Variants in RPAP3 observed in about 807,000 individuals in gnomAD.
RPAP3 encodes the protein RNA polymerase II associated protein 3, also known as RNA polymerase II-associated protein 3.
In RPAP3, 58 loss-of-function variants were observed where a neutral mutation model predicts 88.8. That is an observed-to-expected ratio of 0.65 (90% CI 0.53 to 0.81). The LOEUF (loss-of-function observed/expected upper bound fraction) is 0.81. Ranked by LOEUF, RPAP3 falls within the 40% of genes least tolerant of loss-of-function variation. The probability of loss-of-function intolerance (pLI) is 0.00; values close to 1 mark genes in which losing one functional copy is unlikely to be tolerated. For synonymous variants in RPAP3, 255 were observed against 259.9 expected, an observed-to-expected ratio of 0.98 and a Z score of 0.18; for missense variants, 751 against 764.3, an observed-to-expected ratio of 0.98 and a Z score of 0.20.
chr12:47,699,439 C>T (rs1328491081), intron 3 of RPAP3: 1 of 152,170 alleles, frequency 6.6e-6, no homozygotes, highest in Non-Finnish European at 1.5e-5. Flanking sequence ...GTAGTTCCAA[C>T]AGTGATAAAT....
At chr12:47,703,904 GGGAC>G (rs1166786139) in intron 1 of RPAP3, among the ~76,000 whole-genome samples, 4 of 152,166 alleles carry the variant, frequency 2.6e-5, no homozygotes, top group Non-Finnish European at 5.9e-5. Context: ...TTTCTGGCTT[GGGAC>G]CCCGGTAAGA....
chr12:47,671,649 G>A (rs1400721617), intron 12 of RPAP3, among the ~76,000 whole-genome samples: 3 of 152,182 alleles, frequency 2.0e-5, no homozygotes, highest in Non-Finnish European at 4.4e-5. Flanking sequence ...GCTTTGCTAA[G>A]AACTGTATCA....
intron 16 of RPAP3, among the ~76,000 whole-genome samples, chr12:47,666,351 T>C (rs960371888): frequency 6.6e-6 from 1 of 152,226 alleles, no homozygotes; most frequent in African/African-American, 2.4e-5. Flanking sequence ...AGCCATACCA[T>C]TTTAAATTCT....
At chr12:47,673,444 CAAAAAAAAAA>C (rs35080899) in intron 12 of RPAP3, among the ~76,000 whole-genome samples, 4 of 60,792 alleles carry the variant, frequency 6.6e-5, no homozygotes, top group East Asian at 5.0e-4. Flanking sequence ...AACTCCGTCT[CAAAAAAAAAA>C]AAAAAAAAAA....
intron 12 of RPAP3, among the ~76,000 whole-genome samples, chr12:47,676,077 C>G (rs1457698855): frequency 5.3e-5 from 8 of 152,184 alleles, no homozygotes; most frequent in Non-Finnish European, 1.2e-4. Context: ...AATTAGAACT[C>G]AGGATTAAGA....
At chr12:47,703,438 T>G (rs1939697664) in intron 1 of RPAP3, among the ~76,000 whole-genome samples, 1 of 152,210 alleles carries the variant, frequency 6.6e-6, no homozygotes, top group Non-Finnish European at 1.5e-5. Context: ...GTGCCAGGAT[T>G]ATCCCTTCCT....
rs1167224892 is a variant in RPAP3, at chr12:47,667,761, A to G, written c.1804T>C (p.Tyr602His). The change falls in exon 15 of 17, where the codon TAC becomes CAC. Residue 602 changes from tyrosine to histidine, a missense_variant. Transcript: ENST00000005386. ...NQIVKILHDF[Y>H]IEKEKPLLIF... is the part of the protein sequence containing the mutation. ...AAAAAAAACTTGACTTACTCAATGT[A>G]AAAGTCATGCAGAATTTTAACGATC... 1.0e-5 allele frequency: 16 copies of G among 1,594,578 alleles called. No homozygotes were observed. Among genetic ancestry groups the G allele is most frequent in the Admixed American group, 5.1e-5 (3 of 59,110 alleles).
At chr12:47,678,190 AG>A (rs1392158995) in intron 12 of RPAP3, among the ~76,000 whole-genome samples, 4 of 152,222 alleles carry the variant, frequency 2.6e-5, no homozygotes, top group Non-Finnish European at 5.9e-5. Flanking sequence ...AAAACTGGCT[AG>A]CCATATGTAG....
intron 10 of RPAP3, among the ~76,000 whole-genome samples, chr12:47,681,397 T>C (rs568270123): frequency 1.7e-4 from 26 of 152,310 alleles, no homozygotes; most frequent in African/African-American, 6.0e-4. Flanking sequence ...TTCCTTTCCA[T>C]TCTGGTCTTT....
At chr12:47,663,954 T>C (rs538058113) in intron 16 of RPAP3, among the ~76,000 whole-genome samples, 1 of 152,130 alleles carries the variant, frequency 6.6e-6, no homozygotes, top group African/African-American at 2.4e-5. Flanking sequence ...TAAACTGTTT[T>C]TCAAACCTAA....
intron 6 of RPAP3, among the ~76,000 whole-genome samples, chr12:47,690,056 G>A (rs1005498184): frequency 2.1e-3 from 250 of 119,182 alleles, no homozygotes; most frequent in Non-Finnish European, 2.4e-3. Context: ...AAAAAAAAAA[G>A]AAAAAAAAAA....
intron 12 of RPAP3, 93 bp downstream of exon 12, chr12:47,679,397 TAAA>T: frequency 1.7e-6 from 1 of 597,610 alleles, no homozygotes; most frequent in Non-Finnish European, 2.8e-6. Context: ...AAAGTATAAT[TAAA>T]AAAAAAAAGT....
chr12:47,670,043 TA>T, intron 13 of RPAP3, 63 bp downstream of exon 13: 1 of 1,040,702 alleles, frequency 9.6e-7, no homozygotes, highest in Non-Finnish European at 1.5e-6. Flanking sequence ...GTCTCAGTAA[TA>T]TCAATTCTCC....
chr12:47,689,208 G>A lies in RPAP3; in HGVS notation c.668-13C>T. 1 of 1,190,140 alleles carries A rather than the reference G, an allele frequency of 8.4e-7. No homozygotes were observed. The highest frequency in any genetic ancestry group is 1.2e-6 in the Non-Finnish European group (1 of 840,344). 73.7% of individuals were successfully genotyped at this position (1,190,140 alleles called of 1,614,324 possible). A position where few individuals can be genotyped will look rare whatever the true frequency, so the allele number is the denominator to read the frequency against. On this transcript the variant is annotated splice_polypyrimidine_tract_variant and intron_variant, in intron 6 of 16. Coordinates refer to ENST00000005386, the MANE Select transcript of RPAP3 (RefSeq NM_024604.3). ...ACTCTTTCATAATCTAAGTAAAAGA[G>A]AAGATAAAAAAAATTTTTAAAGATA...
chr12:47,669,197 T>C, intron 13 of RPAP3, 95 bp from the exon 14 acceptor site: 3 of 741,546 alleles, frequency 4.0e-6, no homozygotes, highest in Non-Finnish European at 6.7e-6. Context: ...TTTTTGACTA[T>C]TAATATTGTA....
intron 9 of RPAP3, among the ~76,000 whole-genome samples, chr12:47,686,412 G>T (rs976832813): frequency 6.6e-6 from 1 of 151,996 alleles, no homozygotes; most frequent in African/African-American, 2.4e-5. Context: ...TACATAAAGC[G>T]ACTAGAGAAA....
chr12:47,670,345 T>C lies in RPAP3; in HGVS notation c.1288A>G (p.Lys430Glu). ...IDNPPHPGST[K>E]PLKKVIIEET... is the part of the protein sequence containing the mutation. ...TCAATAATAACCTTCTTGAGTGGTT[T>C]CTAAAACAATTAAAATCAATTCCTT... Residue 430 changes from lysine (K) to glutamate (E), a missense_variant and splice_region_variant, in exon 13 of 17, where the codon AAA becomes GAA. Transcript: ENST00000005386. 1 of 1,524,530 alleles carries C rather than the reference T, an allele frequency of 6.6e-7. No homozygotes were observed. Among genetic ancestry groups the C allele is most frequent in the Non-Finnish European group, 9.0e-7 (1 of 1,108,914 alleles). The allele number at this position is 1,524,530 out of a possible 1,614,324, so 94.4% of individuals were successfully genotyped here.
intron 9 of RPAP3, among the ~76,000 whole-genome samples, chr12:47,686,160 C>T (rs1013776417): frequency 6.6e-6 from 1 of 152,086 alleles, no homozygotes; most frequent in South Asian, 2.1e-4. Flanking sequence ...ACAAGAGAAA[C>T]AAAGTCTAAG....
At chr12:47,686,936 TA>T (rs200292244) in intron 8 of RPAP3, 29 bp from the exon 9 acceptor site, 3,064 of 1,326,766 alleles carry the variant, frequency 2.3e-3, no homozygotes, top group South Asian at 3.6e-3. Flanking sequence ...ATATGGAGAA[TA>T]AAAAAAAAAT....
Sources: gnomAD v4.1 joint callset for allele counts (sites outside exome capture counted in the v4.1 genomes callset) on GRCh38, gnomAD v4.1.1 for gene constraint, MANE v1.5 for transcripts, NCBI Gene and HGNC (gene_info 2026-07-23, HGNC 2026-07-21) for gene names.